TRIQK: variants seen among roughly 807,000 people sequenced by gnomAD.
The protein encoded by TRIQK is triple QxxK/R motif-containing protein.
Under a neutral mutation model 10.8 loss-of-function variants are expected in TRIQK, and 10 were observed. That is an observed-to-expected ratio of 0.92 (90% CI 0.57 to 1.57). The LOEUF is 1.57. Among genes scored for constraint, TRIQK ranks in the 40% most tolerant of loss-of-function variants. The pLI is 0.00. For synonymous variants in TRIQK, 33 were observed against 33.7 expected (o/e 0.98, Z 0.07); for missense variants, 107 against 97.7 (o/e 1.09, Z -0.40).
chr8:92,983,800 T>C, intron 1 of TRIQK, among the ~76,000 whole-genome samples: 1 of 152,022 alleles, frequency 6.6e-6, no homozygotes, highest in East Asian at 1.9e-4. Context: ...CACTGAACTT[T>C]TCAATTTCCT....
rs1448474490 is a variant in TRIQK, at chr8:92,886,314, T to C, written c.*308A>G. 2.3e-5 allele frequency: 4 copies of C among 175,374 alleles called. No individual in the cohort carries two copies. The highest frequency in any genetic ancestry group is 1.2e-5 in the Non-Finnish European group (1 of 83,546). 10.9% of individuals were successfully genotyped at this position (175,374 alleles called of 1,614,324 possible). The stretch of plus-strand genomic sequence containing the variant: ...TACTCATCAGGAAGTGATGGAATTA[T>C]ACACATAAATTGGCAATGACATTTG... On this transcript the variant is annotated 3_prime_UTR_variant, in exon 5 of 5. Transcript: ENST00000521988.
upstream of TRIQK, among the ~76,000 whole-genome samples, chr8:92,967,821 CAAAA>C (rs34531122): frequency 1.2e-5 from 1 of 82,372 alleles, no homozygotes; most frequent in African/African-American, 5.6e-5. Flanking sequence ...GACTCCATCT[CAAAA>C]AAAAAAAAAA....
chr8:92,958,985 T>C (rs1188616399), intron 1 of TRIQK, among the ~76,000 whole-genome samples: 1 of 152,122 alleles, frequency 6.6e-6, no homozygotes, highest in Non-Finnish European at 1.5e-5. Flanking sequence ...GATTGTTTTC[T>C]AATAAAACTT....
Position 92,884,322 on chromosome 8 carries a change from T to C in TRIQK, c.*2300A>G, listed in dbSNP as rs1816357895. The C allele has an allele frequency of 6.4e-6, 1 of 155,110 alleles. No homozygotes were observed. Among genetic ancestry groups the C allele is most frequent in the Non-Finnish European group, 1.4e-5 (1 of 69,980 alleles). 9.6% of individuals were successfully genotyped at this position (155,110 alleles called of 1,614,324 possible). On this transcript the variant is annotated 3_prime_UTR_variant, in exon 5 of 5. Transcript: ENST00000521988. ...CTACAGAGGGTTGGCTGCTTCCCAG[T>C]TAATGTGAGTTTTGCAAAGTTTGCA...
chr8:92,978,337 A>G (rs1812953049), intron 1 of TRIQK, among the ~76,000 whole-genome samples: 1 of 152,134 alleles, frequency 6.6e-6, no homozygotes, highest in Non-Finnish European at 1.5e-5. Context: ...TTTTTGTCCC[A>G]TGATACTTGA....
At chr8:92,966,263 C>T (rs1290225712), upstream of TRIQK, 8 of 152,280 alleles carry the variant, frequency 5.3e-5, no homozygotes, top group Non-Finnish European at 7.3e-5. Context: ...GCCTTTCCCT[C>T]ATTTTGATGC....
At chr8:92,904,025 G>A (rs1809107754) in intron 3 of TRIQK, among the ~76,000 whole-genome samples, 2 of 152,196 alleles carry the variant, frequency 1.3e-5, no homozygotes, top group East Asian at 1.9e-4. Context: ...CTCAAATGAA[G>A]TTAGCAAAGA....
rs539364423 is a variant in TRIQK at position 92,928,348 on chromosome 8, T to G, written c.-21-11338A>C. On this transcript the variant is annotated intron_variant, in intron 2 of 4. Coordinates refer to ENST00000521988, the MANE Select transcript of TRIQK (RefSeq NM_001171797.2). ...CCAGGAAAGGTCAGCTGGCTAGAAT[T>G]CAGCACCACAGAAGAAAGCCTCAGA... 3.9e-5 allele frequency among the ~76,000 whole-genome samples: 6 copies of G among 152,200 alleles called. No homozygotes were observed. In the East Asian group the frequency reaches 1.2e-3, roughly 30 times the overall value.
upstream of TRIQK, among the ~76,000 whole-genome samples, chr8:92,967,146 G>A (rs949482907): frequency 5.9e-5 from 9 of 151,974 alleles, no homozygotes; most frequent in Admixed American, 2.6e-4. Flanking sequence ...CAGAAATAAA[G>A]GTAGAGTTAA....
At position 92,886,461 on chromosome 8, in the gene TRIQK, C is replaced by A; in HGVS notation, c.*161G>T. The stretch of plus-strand genomic sequence containing the variant: ...CTATACTGCATTGCTAGGTAAGGTT[C>A]TTTTCCTGACATCCTATGCAACTAT... On this transcript the variant is annotated 3_prime_UTR_variant, in exon 5 of 5. Coordinates refer to ENST00000521988, the MANE Select transcript of TRIQK (RefSeq NM_001171797.2). 1.9e-6 allele frequency: 1 copy of A among 530,410 alleles called. No homozygotes were observed. The allele number at this position is 530,410 out of a possible 1,614,324, so 32.9% of individuals were successfully genotyped here.
intron 2 of TRIQK, among the ~76,000 whole-genome samples, chr8:92,946,208 C>G (rs1417873514): frequency 1.3e-5 from 2 of 152,040 alleles, no homozygotes; most frequent in African/African-American, 4.8e-5. Context: ...TGGAAAAAAT[C>G]ACAGTTTACA....
intron 2 of TRIQK, chr8:92,941,031 G>T (rs2130607871): frequency 6.6e-6 from 1 of 151,994 alleles, no homozygotes; most frequent in African/African-American, 2.4e-5. Context: ...AAAAATGAAT[G>T]GGTTAATGAA....
rs148160539 is a variant in TRIQK, at chr8:92,945,458, A to G, written c.-22+8948T>C. ...TCTGAAAGTATAGGGACAGTAACAT[A>G]CCATAAGGTGAGCTTTGACCAATGT... On this transcript the variant is annotated intron_variant, in intron 2 of 4. Coordinates refer to ENST00000521988, the MANE Select transcript of TRIQK (RefSeq NM_001171797.2). Among the ~76,000 whole-genome samples the G allele has an allele frequency of 3.4e-3, 521 of 152,338 alleles. 4 individuals are homozygous for G. Among genetic ancestry groups the G allele is most frequent in the African/African-American group, 0.012 (497 of 41,568 alleles).
At chr8:92,984,789 C>T (rs955777059) in intron 1 of TRIQK, among the ~76,000 whole-genome samples, 1 of 152,014 alleles carries the variant, frequency 6.6e-6, no homozygotes, top group Non-Finnish European at 1.5e-5. Context: ...TTTTGTTTCT[C>T]TCTCTTCTCT....
chr8:92,887,214 G>A (rs1465377974), intron 4 of TRIQK, among the ~76,000 whole-genome samples: 1 of 150,760 alleles, frequency 6.6e-6, no homozygotes, highest in Non-Finnish European at 1.5e-5. Context: ...GTTGTAACTG[G>A]TCTCTAGATT....
chr8:92,938,474 C>T (rs894997170), intron 2 of TRIQK, among the ~76,000 whole-genome samples: 1 of 152,038 alleles, frequency 6.6e-6, no homozygotes, highest in African/African-American at 2.4e-5. Flanking sequence ...GCTTTGGTGT[C>T]TGTGTGTCTA....
At position 92,884,567 on chromosome 8, in the gene TRIQK, T is replaced by C. The variant is rs1816372328; in HGVS notation, c.*2055A>G. The C allele has an allele frequency of 6.3e-6, 2 of 319,690 alleles. No homozygotes were observed. Among genetic ancestry groups the C allele is most frequent in the African/African-American group, 4.3e-5 (2 of 46,108 alleles). 19.8% of individuals were successfully genotyped at this position (319,690 alleles called of 1,614,324 possible). A position where few individuals can be genotyped will look rare whatever the true frequency, so the allele number is the denominator to read the frequency against. Reference sequence around the variant, plus strand: ...TTTAGATTAATAGTTATCAAAAACATTTTTCCCCAAAAAATACCTCAAGGG... The same window carrying C: ...TTTAGATTAATAGTTATCAAAAACACTTTTCCCCAAAAAATACCTCAAGGG... On this transcript the variant is annotated 3_prime_UTR_variant, in exon 5 of 5. Coordinates refer to ENST00000521988, the MANE Select transcript of TRIQK (RefSeq NM_001171797.2).
intron 2 of TRIQK, among the ~76,000 whole-genome samples, chr8:92,936,529 T>C (rs567383108): frequency 6.6e-6 from 1 of 151,698 alleles, no homozygotes; most frequent in East Asian, 1.9e-4. Context: ...AAGAACTTTT[T>C]ACCCTGTTGA....
At chr8:92,928,925 G>C (rs1453849113) in intron 2 of TRIQK, among the ~76,000 whole-genome samples, 2 of 152,152 alleles carry the variant, frequency 1.3e-5, no homozygotes, top group Non-Finnish European at 2.9e-5. Flanking sequence ...AACTAAGTAG[G>C]CTAGAAAAAT....
Sources: gnomAD v4.1 joint callset for allele counts (sites outside exome capture counted in the v4.1 genomes callset) on GRCh38, gnomAD v4.1.1 for gene constraint, MANE v1.5 for transcripts, NCBI Gene and HGNC (gene_info 2026-07-23, HGNC 2026-07-21) for gene names.